The following GRIK1 variants were observed in gnomAD, a reference collection of about 807,000 sequenced individuals.
GRIK1 encodes the protein glutamate receptor ionotropic, kainate 1.
In GRIK1, 69 loss-of-function variants were observed where a neutral mutation model predicts 105.7. That is an observed-to-expected ratio of 0.65 (90% confidence interval 0.54 to 0.80). The LOEUF (loss-of-function observed/expected upper bound fraction) is 0.80, where lower values mean the gene tolerates loss of function less well. Ranked by LOEUF, GRIK1 falls within the 30% of genes least tolerant of loss-of-function variation. The probability of loss-of-function intolerance (pLI) is 0.00; values close to 1 mark genes in which losing one functional copy is unlikely to be tolerated. For missense variants in GRIK1, 1,109 were observed against 1,167.3 expected, an observed-to-expected ratio of 0.95 and a Z score of 0.73; for synonymous variants, 438 against 431.3, an observed-to-expected ratio of 1.02 and a Z score of -0.19.
chr21:29,917,657 C>A (rs1458731486), intron 1 of GRIK1, among the ~76,000 whole-genome samples: 2 of 151,942 alleles, frequency 1.3e-5, no homozygotes, highest in Admixed American at 1.3e-4. Flanking sequence ...GGTCTCTAAG[C>A]ATTTTTTTCT....
chr21:29,706,019 G>A (rs1296545724), intron 1 of GRIK1, among the ~76,000 whole-genome samples: 3 of 151,824 alleles, frequency 2.0e-5, no homozygotes, highest in South Asian at 2.1e-4. Context: ...TACTACAGGC[G>A]TGTGCCACCA....
At chr21:29,733,004 G>A (rs1414758562) in intron 1 of GRIK1, among the ~76,000 whole-genome samples, 1 of 152,148 alleles carries the variant, frequency 6.6e-6, no homozygotes, top group African/African-American at 2.4e-5. Context: ...ATGTGGCATT[G>A]AACTTAATTT....
At chr21:29,754,324 T>C (rs1320797417) in intron 1 of GRIK1, among the ~76,000 whole-genome samples, 2 of 152,156 alleles carry the variant, frequency 1.3e-5, no homozygotes, top group African/African-American at 2.4e-5. Context: ...CTTACACATA[T>C]GCGTCATGCC....
chr21:29,752,407 T>C (rs1161260028), intron 1 of GRIK1, among the ~76,000 whole-genome samples: 1 of 152,198 alleles, frequency 6.6e-6, no homozygotes, highest in Non-Finnish European at 1.5e-5. Context: ...GCTGTGAGCA[T>C]GAAGGATGTG....
chr21:29,640,806 G>A (rs1214262020), intron 7 of GRIK1, among the ~76,000 whole-genome samples: 3 of 152,150 alleles, frequency 2.0e-5, no homozygotes, highest in Non-Finnish European at 2.9e-5. Context: ...GGCGATTCAG[G>A]ACACAACCAT....
At chr21:29,592,064 T>C (rs1734893171) in intron 9 of GRIK1, among the ~76,000 whole-genome samples, 1 of 152,072 alleles carries the variant, frequency 6.6e-6, no homozygotes, top group South Asian at 2.1e-4. Flanking sequence ...AAAGTAATTT[T>C]TTCTTTAAAA....
intron 1 of GRIK1, among the ~76,000 whole-genome samples, chr21:29,801,700 T>C (rs71314131): frequency 0.08 from 12,253 of 152,240 alleles, 543 homozygotes; most frequent in Non-Finnish European, 0.092. Context: ...GAAAACTATA[T>C]GTATATAAGA....
intron 3 of GRIK1, among the ~76,000 whole-genome samples, chr21:29,685,396 A>G (rs2063469493): frequency 6.6e-6 from 1 of 152,216 alleles, no homozygotes; most frequent in African/African-American, 2.4e-5. Flanking sequence ...ACTATAAAGT[A>G]GGTTTTTCTT....
chr21:29,821,841 A>G (rs2067315277), intron 1 of GRIK1, among the ~76,000 whole-genome samples: 2 of 152,192 alleles, frequency 1.3e-5, no homozygotes, highest in Admixed American at 1.3e-4. Flanking sequence ...TATCTATTTT[A>G]TCATACATTT....
At chr21:29,915,891 C>T (rs459518) in intron 1 of GRIK1, among the ~76,000 whole-genome samples, 1 of 151,618 alleles carries the variant, frequency 6.6e-6, no homozygotes, top group Non-Finnish European at 1.5e-5. Context: ...AATTATTTTT[C>T]AACATTCTAG....
At chr21:29,863,038 A>C (rs2068694608) in intron 1 of GRIK1, among the ~76,000 whole-genome samples, 1 of 152,172 alleles carries the variant, frequency 6.6e-6, no homozygotes, top group Non-Finnish European at 1.5e-5. Flanking sequence ...CTGTGTATTT[A>C]TCTCTGTGTA....
intron 7 of GRIK1, among the ~76,000 whole-genome samples, chr21:29,606,779 T>C (rs1011100987): frequency 6.9e-6 from 1 of 144,148 alleles, no homozygotes; most frequent in Non-Finnish European, 1.5e-5. Flanking sequence ...CTGCTGACTC[T>C]CTGTCTCTGT....
chr21:29,910,495 TCTC>T (rs1315324066), intron 1 of GRIK1, among the ~76,000 whole-genome samples: 1 of 152,140 alleles, frequency 6.6e-6, no homozygotes, highest in Non-Finnish European at 1.5e-5. Flanking sequence ...TGACTGATAT[TCTC>T]CTCTTGTCAA....
chr21:29,938,514 T>C (rs1286042096), intron 1 of GRIK1, among the ~76,000 whole-genome samples: 1 of 152,220 alleles, frequency 6.6e-6, no homozygotes, highest in Non-Finnish European at 1.5e-5. Flanking sequence ...ACCTTGGTGG[T>C]GGGTGCTATA....
At chr21:29,585,109 G>A (rs2146269913) in intron 12 of GRIK1, among the ~76,000 whole-genome samples, 1 of 152,188 alleles carries the variant, frequency 6.6e-6, no homozygotes. Context: ...AGGGCAAGAA[G>A]GCAGTGGAAG....
chr21:29,853,171 G>C (rs2068360555), intron 1 of GRIK1, among the ~76,000 whole-genome samples: 1 of 152,166 alleles, frequency 6.6e-6, no homozygotes, highest in African/African-American at 2.4e-5. Context: ...TTCCAAGAAA[G>C]TAACTATGAC....
intron 9 of GRIK1, 63 bp from the exon 10 acceptor site, chr21:29,591,288 G>T: frequency 1.1e-6 from 1 of 939,430 alleles, no homozygotes. Flanking sequence ...ACCAAAGAGA[G>T]GCCCCTTCTC....
At chr21:29,929,828 G>A (rs556609133) in intron 1 of GRIK1, among the ~76,000 whole-genome samples, 19 of 152,248 alleles carry the variant, frequency 1.2e-4, no homozygotes, top group African/African-American at 4.1e-4. Context: ...ATATATCCAA[G>A]GGAATTGAAA....
chr21:29,757,217 C>T (rs2065372519), intron 1 of GRIK1, among the ~76,000 whole-genome samples: 1 of 152,150 alleles, frequency 6.6e-6, no homozygotes, highest in South Asian at 2.1e-4. Flanking sequence ...TCCAATATCA[C>T]ATTTAAAAGG....
Sources: allele counts gnomAD v4.1 joint callset (sites outside exome capture counted in the v4.1 genomes callset), GRCh38; gene constraint gnomAD v4.1.1; transcripts MANE v1.5; gene names NCBI Gene and HGNC (gene_info 2026-07-23, HGNC 2026-07-21).